Variants in EVC2 observed in about 807,000 individuals in gnomAD.
The protein encoded by EVC2 is limbin.
EVC2 carries 148 observed loss-of-function variants against 149.3 expected under a neutral mutation model. The ratio of observed to expected loss-of-function variants is 0.99; its 90% confidence interval spans 0.87 to 1.14. The LOEUF (loss-of-function observed/expected upper bound fraction) is 1.14, where lower values mean the gene tolerates loss of function less well. Ranked by LOEUF, EVC2 falls within the 50% of genes most tolerant of loss-of-function variation. The pLI is 0.00. For missense variants in EVC2, 1,854 were observed against 1,627.3 expected (o/e 1.14, Z -2.40); for synonymous variants, 776 against 649.9 (o/e 1.19, Z -2.95).
rs751714104 is a variant in EVC2 at position 5,618,535 on chromosome 4, C to A, written c.2649G>T (p.Ala883=). 2.5e-6 allele frequency: 4 copies of A among 1,614,112 alleles called. No homozygotes were observed. Among genetic ancestry groups the A allele is most frequent in the Admixed American group, 3.3e-5 (2 of 60,028 alleles). ...ARVLLQQFQT[A]WREAEFVKLD... The stretch of plus-strand genomic sequence containing the variant: ...GCTTCACGAACTCTGCTTCTCGCCA[C>A]GCAGTCTGAAATTGCTGCAGCAGAA... Residue 883 remains alanine (A), a synonymous_variant, in exon 15 of 22, where the codon GCG becomes GCT. Transcript: ENST00000344408. The surrounding 1 kb of genome is among the most constrained non-coding windows in gnomAD (Gnocchi z 4.4).
At position 5,638,398 on chromosome 4, in the gene EVC2, A is replaced by AC. The variant is rs200861991; in HGVS notation, c.1470+2115_1470+2116insG. Among the ~76,000 whole-genome samples, 1,443 of 151,792 alleles carry AC rather than the reference A, an allele frequency of 9.5e-3. 22 individuals carry two copies. Among genetic ancestry groups the AC allele is most frequent in the South Asian group, 0.03 (144 of 4,778 alleles). Reference sequence around the variant, plus strand: ...AGTGAGACTCTATCTCAAAAAACAAAAAAAAAAAAATTGTAACAGATTTAG... The same window carrying AC: ...AGTGAGACTCTATCTCAAAAAACAAACAAAAAAAAAATTGTAACAGATTTAG... On this transcript the variant is annotated intron_variant, in intron 10 of 21. Transcript: ENST00000344408.
chr4:5,642,087 TCCATGTCC>T (rs1717373129), intron 9 of EVC2, among the ~76,000 whole-genome samples: 1 of 152,070 alleles, frequency 6.6e-6, no homozygotes, highest in African/African-American at 2.4e-5. Flanking sequence ...TCCAGCTTCA[TCCATGTCC>T]CTGCAAAGCA....
At chr4:5,552,737 T>G (rs1405765622) in intron 21 of EVC2, among the ~76,000 whole-genome samples, 1 of 152,142 alleles carries the variant, frequency 6.6e-6, no homozygotes, top group Non-Finnish European at 1.5e-5. Context: ...TCCGCAGGTC[T>G]AGATGAGCTG....
intron 21 of EVC2, among the ~76,000 whole-genome samples, chr4:5,554,740 CCA>C (rs1721803666): frequency 1.3e-5 from 2 of 152,136 alleles, no homozygotes; most frequent in Non-Finnish European, 2.9e-5. Flanking sequence ...TCTATCATAG[CCA>C]GAAGCCCTTC....
intron 17 of EVC2, among the ~76,000 whole-genome samples, chr4:5,580,450 T>A (rs186217854): frequency 1.3e-5 from 2 of 152,350 alleles, no homozygotes; most frequent in African/African-American, 4.8e-5. Flanking sequence ...TGTTGTACTC[T>A]CCAATTATTA....
At chr4:5,542,876 C>T (rs997787486) in exon 23 of EVC2, 2 of 309,408 alleles carry the variant, frequency 6.5e-6, no homozygotes, top group African/African-American at 4.4e-5. Flanking sequence ...ACAACAGCAG[C>T]TCTCCCAGGC....
In EVC2 at chr4:5,686,448, T is replaced by C. The variant is rs1720719156; in HGVS notation, c.707-969A>G. Among the ~76,000 whole-genome samples, 1 of 152,152 alleles carries C rather than the reference T, an allele frequency of 6.6e-6. No individual in the cohort carries two copies. The highest frequency in any genetic ancestry group is 1.5e-5 in the Non-Finnish European group (1 of 68,038). On this transcript the variant is annotated intron_variant, in intron 5 of 21. Transcript: ENST00000344408. This position sits in a 1 kb window ranked among gnomAD's most constrained non-coding sequence, Gnocchi z 5.4. The stretch of plus-strand genomic sequence containing the variant: ...ATGACAATGACGGGGAAAGAAGTCA[T>C]AGTCAGACCTTCCCCATACAGTGAT...
downstream of EVC2, among the ~76,000 whole-genome samples, chr4:5,540,713 A>G (rs1384863047): frequency 1.3e-5 from 2 of 152,158 alleles, no homozygotes; most frequent in African/African-American, 4.8e-5. Flanking sequence ...TTGGGGGAGG[A>G]TGGAGATGTT....
the EVC2 span, among the ~76,000 whole-genome samples, chr4:5,536,566 C>T: frequency 3.3e-3 from 504 of 152,202 alleles, 1 homozygote; most frequent in African/African-American, 0.011. Context: ...GGGCAGATCA[C>T]GAGGTCAGGA....
In EVC2 at chr4:5,565,313, C is replaced by T. The variant is rs752599166; in HGVS notation, c.3604G>A (p.Asp1202Asn). 1.3e-5 allele frequency: 21 copies of T among 1,613,996 alleles called. No individual in the cohort carries two copies. Among genetic ancestry groups the T allele is most frequent in the Non-Finnish European group, 1.6e-5 (19 of 1,180,022 alleles). Residue 1202 changes from aspartate (D) to asparagine (N), a missense_variant, in exon 21 of 22, where the codon GAT (aspartate) becomes AAT (asparagine). Transcript: ENST00000344408. ...WQALDGKLRG[D>N]LISRGLEKML... ...TTTTCTAATCCTCTGCTTATCAGAT[C>T]TCCTCGCAGTTTGCCATCTAAGGCT... is the stretch of plus-strand genomic sequence containing the variant.
In EVC2 at chr4:5,640,491, C is replaced by A. The variant is rs1441019128; in HGVS notation, c.1470+23G>T. 2 of 1,613,636 alleles carry A rather than the reference C, an allele frequency of 1.2e-6. No individual in the cohort carries two copies. The highest frequency in any genetic ancestry group is 1.7e-6 in the Non-Finnish European group (2 of 1,179,686). On this transcript the variant is annotated intron_variant, in intron 10 of 21. Coordinates refer to ENST00000344408, the MANE Select transcript of EVC2 (RefSeq NM_147127.5). The surrounding 1 kb of genome is among the most constrained non-coding windows in gnomAD (Gnocchi z 4.6). ...TCCCTGAGAGAAAGGGAAGTGAACG[C>A]CTTCCTTTCAGACCTGTCTTACCCT...
chr4:5,612,421 G>A (rs1357770503), intron 16 of EVC2, among the ~76,000 whole-genome samples: 1 of 152,138 alleles, frequency 6.6e-6, no homozygotes, highest in African/African-American at 2.4e-5. Context: ...CTATTAAAAT[G>A]ACTAGTTTTG....
intron 21 of EVC2, among the ~76,000 whole-genome samples, chr4:5,549,556 C>G (rs1189954186): frequency 1.3e-5 from 2 of 152,202 alleles, no homozygotes; most frequent in Admixed American, 1.3e-4. Flanking sequence ...CTGATCTTCA[C>G]GATCCGCTTA....
rs71597777 is a variant in EVC2, at chr4:5,569,739, G to C, written c.3361-1099C>G. 8.7e-4 allele frequency among the ~76,000 whole-genome samples: 133 copies of C among 152,156 alleles called. No individual in the cohort carries two copies. The highest frequency in any genetic ancestry group is 1.5e-3 in the Non-Finnish European group (99 of 68,016). ...GCTGGGGGTTCAGAGACCACAGAGA[G>C]GTCAGGAGACACAAACACAGGGACT... On this transcript the variant is annotated intron_variant, in intron 19 of 21. Coordinates refer to ENST00000344408, the MANE Select transcript of EVC2 (RefSeq NM_147127.5). The surrounding 1 kb of genome is among the most constrained non-coding windows in gnomAD (Gnocchi z 4.8).
At chr4:5,550,801 C>T (rs990519400) in intron 21 of EVC2, among the ~76,000 whole-genome samples, 8 of 152,328 alleles carry the variant, frequency 5.3e-5, no homozygotes, top group Non-Finnish European at 1.0e-4. Flanking sequence ...GCCTGGCCCA[C>T]GGTCCCCATG....
At position 5,618,679 on chromosome 4, in the gene EVC2, C is replaced by A. The variant is rs527993206; in HGVS notation, c.2505G>T (p.Lys835Asn). ...ACAGGGAGAAGACTGAGGAGCAGAG[C>A]TTCCTGGGAGGAAGAACAGAGACAC... ...LRRWEHLIFM[K>N]LCSSVFSLSE... Residue 835 changes from lysine (K) to asparagine (N), a missense_variant, in exon 15 of 22, where the codon AAG becomes AAT. By Grantham distance (94) the Lys-to-Asn change is moderately conservative (BLOSUM62 0). Coordinates refer to ENST00000344408, the MANE Select transcript of EVC2 (RefSeq NM_147127.5). The surrounding 1 kb of genome is among the most constrained non-coding windows in gnomAD (Gnocchi z 4.4). The A allele has an allele frequency of 1.9e-6, 3 of 1,593,390 alleles. No homozygotes were observed. The highest frequency in any genetic ancestry group is 2.6e-6 in the Non-Finnish European group (3 of 1,169,616).
chr4:5,572,179 A>ACTTGG (rs1234543242), intron 19 of EVC2, among the ~76,000 whole-genome samples: 1 of 152,216 alleles, frequency 6.6e-6, no homozygotes, highest in Non-Finnish European at 1.5e-5. Context: ...GACTATACAA[A>ACTTGG]GCACCAAGTT....
chr4:5,697,261 A>G (rs1371011942), intron 2 of EVC2, among the ~76,000 whole-genome samples: 1 of 152,242 alleles, frequency 6.6e-6, no homozygotes, highest in Non-Finnish European at 1.5e-5. Context: ...TGTGTGGTCG[A>G]AGCCACTGTT....
At chr4:5,693,069 G>A (rs1042565300) in intron 3 of EVC2, among the ~76,000 whole-genome samples, 1 of 152,108 alleles carries the variant, frequency 6.6e-6, no homozygotes, top group African/African-American at 2.4e-5. Context: ...GCAGGGACCT[G>A]GCTTTCTCTT....
Sources: allele counts gnomAD v4.1 joint callset (sites outside exome capture counted in the v4.1 genomes callset), GRCh38; gene constraint gnomAD v4.1.1; non-coding constraint Gnocchi (gnomAD v3.1); transcripts MANE v1.5; gene names NCBI Gene and HGNC (gene_info 2026-07-23, HGNC 2026-07-21).